Variants in UNC13C observed in about 807,000 individuals in gnomAD.
UNC13C encodes protein unc-13 homolog C.
A neutral mutation model predicts 245.4 loss-of-function variants in UNC13C; 174 were observed. The ratio of observed to expected loss-of-function variants is 0.71; its 90% CI spans 0.63 to 0.80. The LOEUF is 0.80. UNC13C is among the 30% of genes least tolerant of loss of function. The pLI is 0.00. For synonymous variants in UNC13C, 992 were observed against 895.1 expected, an observed-to-expected ratio of 1.11 and a Z score of -1.93; for missense variants, 2,829 against 2,602.9, an observed-to-expected ratio of 1.09 and a Z score of -1.89.
chr15:54,075,369 C>A (rs143801746), intron 2 of UNC13C, among the ~76,000 whole-genome samples: 1 of 151,396 alleles, frequency 6.6e-6, no homozygotes, highest in South Asian at 2.1e-4. Flanking sequence ...CCTGTAGTTC[C>A]AGCCACTCGG....
intron 2 of UNC13C, among the ~76,000 whole-genome samples, chr15:54,142,589 A>G (rs1323766312): frequency 6.6e-6 from 1 of 152,214 alleles, no homozygotes; most frequent in Non-Finnish European, 1.5e-5. Flanking sequence ...ACTGATCTCA[A>G]TTAATTCTAT....
intron 18 of UNC13C, among the ~76,000 whole-genome samples, chr15:54,411,590 G>A (rs2040417233): frequency 6.6e-6 from 1 of 151,462 alleles, no homozygotes; most frequent in African/African-American, 2.4e-5. Flanking sequence ...ATCTCTTGTT[G>A]AAAAGACTGT....
chr15:54,369,597 CAA>C (rs1394848039), intron 17 of UNC13C, among the ~76,000 whole-genome samples: 1 of 151,974 alleles, frequency 6.6e-6, no homozygotes, highest in African/African-American at 2.4e-5. Flanking sequence ...AGAATATGAA[CAA>C]AACATAGCCT....
chr15:54,220,352 A>G (rs1203907364), intron 4 of UNC13C, among the ~76,000 whole-genome samples: 23 of 149,400 alleles, frequency 1.5e-4, no homozygotes, highest in African/African-American at 5.1e-4. Context: ...AAGGACAAGG[A>G]ACCAAACAGC....
intron 30 of UNC13C, among the ~76,000 whole-genome samples, chr15:54,577,722 ACT>A (rs1566919866): frequency 6.6e-5 from 10 of 152,068 alleles, no homozygotes; most frequent in African/African-American, 2.4e-4. Context: ...TAGCAGTTCC[ACT>A]TTCCCTTGTC....
intron 29 of UNC13C, among the ~76,000 whole-genome samples, chr15:54,562,976 C>T (rs919039646): frequency 2.0e-5 from 3 of 151,998 alleles, no homozygotes; most frequent in African/African-American, 7.2e-5. Context: ...TTAATAGCTG[C>T]CTTCTCACTT....
intron 4 of UNC13C, among the ~76,000 whole-genome samples, chr15:54,186,836 A>ATATATATATATATATAT (rs1567079825): frequency 7.9e-6 from 1 of 126,140 alleles, no homozygotes; most frequent in Non-Finnish European, 1.7e-5. Context: ...CAAAGAACAT[A>ATATATATATATATATAT]ATATATATGT....
intron 1 of UNC13C, among the ~76,000 whole-genome samples, chr15:54,001,927 C>T (rs147435294): frequency 0.012 from 1,811 of 152,264 alleles, 23 homozygotes; most frequent in Non-Finnish European, 0.015. Flanking sequence ...GCAAATGCTC[C>T]GTGATTTAAC....
intron 10 of UNC13C, among the ~76,000 whole-genome samples, chr15:54,274,978 C>T (rs1174481734): frequency 6.6e-6 from 1 of 151,810 alleles, no homozygotes; most frequent in Non-Finnish European, 1.5e-5. Context: ...CCTAAGTAGA[C>T]AAATTTTAAT....
intron 1 of UNC13C, among the ~76,000 whole-genome samples, chr15:54,006,172 T>C (rs1895127181): frequency 6.6e-6 from 1 of 152,176 alleles, no homozygotes; most frequent in African/African-American, 2.4e-5. Context: ...AAAAGGACTT[T>C]GTAGATCCTA....
At chr15:54,630,778 T>C (rs1596721069), downstream of UNC13C, 1 of 152,176 alleles carries the variant, frequency 6.6e-6, no homozygotes, top group East Asian at 1.9e-4. Flanking sequence ...AATAAAAAAC[T>C]AGGATATGTG....
At chr15:54,034,487 T>C (rs16973983) in intron 2 of UNC13C, among the ~76,000 whole-genome samples, 3,330 of 152,318 alleles carry the variant, frequency 0.022, 120 homozygotes, top group South Asian at 0.13. Context: ...TTCAGGCACC[T>C]AGGTTAATAC....
chr15:54,464,361 C>T (rs1239278060), intron 19 of UNC13C, among the ~76,000 whole-genome samples: 1 of 152,062 alleles, frequency 6.6e-6, no homozygotes, highest in Non-Finnish European at 1.5e-5. Flanking sequence ...AGAAAACTTT[C>T]TCTGAGCTAT....
At chr15:53,982,449 C>T (rs779479409) in intron 1 of UNC13C, among the ~76,000 whole-genome samples, 1 of 152,020 alleles carries the variant, frequency 6.6e-6, no homozygotes, top group African/African-American at 2.4e-5. Flanking sequence ...GTGGGAAGAA[C>T]TAATGGCTTA....
rs749099360 is a variant in UNC13C, at chr15:54,142,972, G to A, written c.2984-46G>A. 1.9e-6 allele frequency: 3 copies of A among 1,560,724 alleles called. No individual in the cohort carries two copies. In the East Asian group the frequency reaches 6.7e-5, roughly 35 times the overall value. On this transcript the variant is annotated intron_variant, in intron 2 of 32. Coordinates refer to ENST00000260323, the MANE Select transcript of UNC13C (RefSeq NM_001080534.3). Reference sequence around the variant, plus strand: ...ATATGTTTAAACAATTTCTTGAAAAGTACTCCATCTAACATTTATCCCTTC... The same window carrying A: ...ATATGTTTAAACAATTTCTTGAAAAATACTCCATCTAACATTTATCCCTTC...
At chr15:53,925,606 C>A in the UNC13C span, among the ~76,000 whole-genome samples, 1 of 152,170 alleles carries the variant, frequency 6.6e-6, no homozygotes, top group African/African-American at 2.4e-5. Context: ...CTTAGAAAGA[C>A]AGACTATCTC....
At chr15:54,101,806 G>C (rs553611771) in intron 2 of UNC13C, among the ~76,000 whole-genome samples, 33 of 151,886 alleles carry the variant, frequency 2.2e-4, no homozygotes, top group African/African-American at 8.0e-4. Flanking sequence ...GGCTGGTCTC[G>C]AACTCCTGAC....
chr15:54,118,461 A>G (rs1383328060), intron 2 of UNC13C, among the ~76,000 whole-genome samples: 1 of 152,000 alleles, frequency 6.6e-6, no homozygotes, highest in South Asian at 2.1e-4. Context: ...TTTGCTGTTG[A>G]TATATAGAAA....
intron 17 of UNC13C, among the ~76,000 whole-genome samples, chr15:54,362,976 G>A (rs1159771880): frequency 6.6e-6 from 1 of 152,182 alleles, no homozygotes; most frequent in Non-Finnish European, 1.5e-5. Flanking sequence ...CAAAAGGCCA[G>A]AGAGAATATT....
Sources: gnomAD v4.1 joint callset for allele counts (sites outside exome capture counted in the v4.1 genomes callset) on GRCh38, gnomAD v4.1.1 for gene constraint, MANE v1.5 for transcripts, NCBI Gene and HGNC (gene_info 2026-07-23, HGNC 2026-07-21) for gene names.